TMEFF2: variants seen among roughly 807,000 people sequenced by gnomAD.
TMEFF2 encodes the protein tomoregulin-2.
In TMEFF2, 28 loss-of-function variants were observed where a neutral mutation model predicts 53.8. That is an observed-to-expected ratio of 0.52 (90% CI 0.39 to 0.71). The LOEUF (loss-of-function observed/expected upper bound fraction) is 0.71, where lower values mean the gene tolerates loss of function less well. Ranked by LOEUF, TMEFF2 falls within the 30% of genes least tolerant of loss-of-function variation. The pLI, the probability that TMEFF2 is intolerant of heterozygous loss-of-function variation, is 0.00. For synonymous variants in TMEFF2, 162 were observed against 166.3 expected, an observed-to-expected ratio of 0.97 and a Z score of 0.20; for missense variants, 353 against 455.2, an observed-to-expected ratio of 0.78 and a Z score of 2.04.
Position 192,133,357 on chromosome 2 carries a change from T to G in TMEFF2, c.439+46311A>C, listed in dbSNP as rs546425096. The stretch of plus-strand genomic sequence containing the variant: ...CCTTGGTGACCGATCACGCACCCCT[T>G]ACCATCTCATTAAAACCTAATCACC... On this transcript the variant is annotated intron_variant, in intron 4 of 9. Transcript: ENST00000272771. Among the ~76,000 whole-genome samples, 14 of 152,200 alleles carry G rather than the reference T, an allele frequency of 9.2e-5. No individual in the cohort carries two copies. The South Asian group carries it at 2.9e-3, about 32-fold the overall frequency.
At chr2:192,144,217 T>C (rs1236821276) in intron 4 of TMEFF2, among the ~76,000 whole-genome samples, 15 of 152,114 alleles carry the variant, frequency 9.9e-5, no homozygotes, top group Non-Finnish European at 2.9e-5. Context: ...TCTCCCCATT[T>C]TCTGATTTCA....
At position 192,194,368 on chromosome 2, in the gene TMEFF2, C is replaced by T; in HGVS notation, c.157G>A (p.Gly53Ser). ...TSLSDCQTPT[G>S]WNCSGYDDRE... ...CTGGACTTACCAGAGCAATTCCAGC[C>T]GGTGGGCGTTTGGCAGTCACTTAAG... Residue 53 changes from glycine to serine, a missense_variant, in exon 1 of 10, where the codon GGC (glycine) becomes AGC (serine). Physicochemically the swap from Gly to Ser is moderately conservative, Grantham distance 56. This residue lies in a region of TMEFF2 where 294 missense variants were observed against 397.3 expected (regional missense o/e 0.74). Coordinates refer to ENST00000272771, the MANE Select transcript of TMEFF2 (RefSeq NM_016192.4). This position sits in a 1 kb window ranked among gnomAD's most constrained non-coding sequence, Gnocchi z 4.2. The T allele has an allele frequency of 6.2e-7, 1 of 1,614,070 alleles. No individual in the cohort carries two copies. The highest frequency in any genetic ancestry group is 8.5e-7 in the Non-Finnish European group (1 of 1,179,992).
intron 4 of TMEFF2, among the ~76,000 whole-genome samples, chr2:192,165,177 TA>T (rs1010206441): frequency 1.3e-5 from 2 of 152,210 alleles, no homozygotes; most frequent in Non-Finnish European, 2.9e-5. Context: ...TGAAAGTTTA[TA>T]ATTTTCTGTT....
intron 5 of TMEFF2, among the ~76,000 whole-genome samples, chr2:192,027,587 G>A (rs1323600187): frequency 2.0e-5 from 3 of 152,194 alleles, no homozygotes; most frequent in Non-Finnish European, 2.9e-5. Flanking sequence ...ATGCCCTTGT[G>A]TAATGCCCTA....
chr2:192,058,297 T>C (rs1687960666), intron 4 of TMEFF2, among the ~76,000 whole-genome samples: 1 of 152,154 alleles, frequency 6.6e-6, no homozygotes, highest in African/African-American at 2.4e-5. Flanking sequence ...TAAGAAAAAG[T>C]ATGTTGATTA....
intron 7 of TMEFF2, among the ~76,000 whole-genome samples, chr2:191,976,620 C>G (rs1050180254): frequency 6.6e-6 from 1 of 152,170 alleles, no homozygotes; most frequent in Non-Finnish European, 1.5e-5. Flanking sequence ...TTGGCAATTT[C>G]CTTCATTCCT....
At chr2:191,968,804 G>A (rs1692540528) in intron 7 of TMEFF2, among the ~76,000 whole-genome samples, 1 of 152,090 alleles carries the variant, frequency 6.6e-6, no homozygotes, top group African/African-American at 2.4e-5. Flanking sequence ...AACATTTTGT[G>A]GGACTATTCC....
chr2:191,978,640 T>C lies in TMEFF2; in HGVS notation c.745+19622A>G, dbSNP rs1307332035. Among the ~76,000 whole-genome samples, 3 of 152,120 alleles carry C rather than the reference T, an allele frequency of 2.0e-5. No homozygotes were observed. In the East Asian group the frequency reaches 5.8e-4, roughly 29 times the overall value. ...ATTCTAGAAGCTTATTTTCTCAGCC[T>C]GAGCTCCCTTATAAATATGCTATAT... On this transcript the variant is annotated intron_variant, in intron 7 of 9. Transcript: ENST00000272771.
chr2:192,020,554 A>G (rs1258205924), intron 5 of TMEFF2, among the ~76,000 whole-genome samples: 1 of 152,116 alleles, frequency 6.6e-6, no homozygotes, highest in Non-Finnish European at 1.5e-5. Context: ...TATGATGATT[A>G]TATCTTATAT....
intron 5 of TMEFF2, among the ~76,000 whole-genome samples, chr2:192,039,055 T>A (rs1687408938): frequency 6.6e-6 from 1 of 151,094 alleles, no homozygotes; most frequent in Non-Finnish European, 1.5e-5. Context: ...GCCCCCCCCA[T>A]CTAACTTAAC....
intron 4 of TMEFF2, among the ~76,000 whole-genome samples, chr2:192,131,022 C>A (rs1467208186): frequency 6.6e-6 from 1 of 151,556 alleles, no homozygotes; most frequent in African/African-American, 2.4e-5. Context: ...TGGTCCTTCA[C>A]CCTTAGCAGC....
At chr2:192,097,773 G>A (rs17353690) in intron 4 of TMEFF2, among the ~76,000 whole-genome samples, 5,397 of 152,140 alleles carry the variant, frequency 0.035, 135 homozygotes, top group South Asian at 0.07. Context: ...ATATATCACT[G>A]AAGAGAATGT....
chr2:192,020,691 G>A (rs1574296414), intron 5 of TMEFF2, among the ~76,000 whole-genome samples: 1 of 152,020 alleles, frequency 6.6e-6, no homozygotes, highest in Non-Finnish European at 1.5e-5. Context: ...ACTATTAATG[G>A]CTGCATATCT....
intron 4 of TMEFF2, among the ~76,000 whole-genome samples, chr2:192,157,826 C>T (rs1411103882): frequency 6.6e-6 from 1 of 152,030 alleles, no homozygotes; most frequent in African/African-American, 2.4e-5. Flanking sequence ...TTTAAAGCAT[C>T]ACCTGCACCC....
At chr2:192,139,035 A>T (rs910033590) in intron 4 of TMEFF2, among the ~76,000 whole-genome samples, 4 of 152,222 alleles carry the variant, frequency 2.6e-5, no homozygotes, top group Non-Finnish European at 5.9e-5. Flanking sequence ...GGAAACCATC[A>T]TAGTTGCTTA....
At chr2:192,065,945 G>A (rs548491080) in intron 4 of TMEFF2, among the ~76,000 whole-genome samples, 46 of 151,690 alleles carry the variant, frequency 3.0e-4, no homozygotes, top group Non-Finnish European at 5.5e-4. Flanking sequence ...CCACATGTGA[G>A]TAAGTTGTAT....
In TMEFF2 at chr2:191,968,951, A is replaced by C. The variant is rs147398521; in HGVS notation, c.746-12573T>G. Reference sequence around the variant, plus strand: ...ATAAGCCTTGGGGCTCTAGCCACCCAAGCCACCCAGAAGGCTAAGGTGGAT... The same window carrying C: ...ATAAGCCTTGGGGCTCTAGCCACCCCAGCCACCCAGAAGGCTAAGGTGGAT... On this transcript the variant is annotated intron_variant, in intron 7 of 9. Transcript: ENST00000272771. 5.0e-3 allele frequency among the ~76,000 whole-genome samples: 764 copies of C among 152,234 alleles called. 3 individuals carry two copies. The highest frequency in any genetic ancestry group is 0.018 in the African/African-American group (745 of 41,530).
chr2:192,016,124 G>T (rs1195118183), intron 5 of TMEFF2, among the ~76,000 whole-genome samples: 2 of 152,098 alleles, frequency 1.3e-5, no homozygotes, highest in African/African-American at 4.8e-5. Context: ...AATATTTGGG[G>T]TTGTGGCCAT....
At position 192,140,686 on chromosome 2, in the gene TMEFF2, G is replaced by GA. The variant is rs921645861; in HGVS notation, c.439+38981dup. Among the ~76,000 whole-genome samples, 128 of 150,934 alleles carry GA rather than the reference G, an allele frequency of 8.5e-4. 2 individuals are homozygous for GA. Among genetic ancestry groups the GA allele is most frequent in the Non-Finnish European group, 2.4e-4 (16 of 67,676 alleles). ...ACATTTCAAGGATTGGCATGTAGAA[G>GA]AAAAAAAAATAGTACTCCAATTCCA... is the stretch of plus-strand genomic sequence containing the variant. On this transcript the variant is annotated intron_variant, in intron 4 of 9. Transcript: ENST00000272771.
Sources: gnomAD v4.1 joint callset for allele counts (sites outside exome capture counted in the v4.1 genomes callset) on GRCh38, gnomAD v4.1.1 for gene constraint, gnomAD v4.1.1 regional missense constraint, Gnocchi (gnomAD v3.1) non-coding constraint, MANE v1.5 for transcripts, NCBI Gene and HGNC (gene_info 2026-07-23, HGNC 2026-07-21) for gene names.